Variants in ZAP70 observed in about 807,000 individuals in gnomAD.
The protein encoded by ZAP70 is tyrosine-protein kinase ZAP-70.
In ZAP70, 27 loss-of-function variants were observed where a neutral mutation model predicts 65.8. That is an observed-to-expected ratio of 0.41 (90% CI 0.30 to 0.57). The LOEUF is 0.57. ZAP70 is among the 20% of genes least tolerant of loss of function. The probability of loss-of-function intolerance (pLI) is 0.28; values close to 1 mark genes in which losing one functional copy is unlikely to be tolerated. For synonymous variants in ZAP70, 363 were observed against 360.8 expected (o/e 1.01, Z -0.07); for missense variants, 696 against 870.5 (o/e 0.80, Z 2.52).
intron 2 of ZAP70, among the ~76,000 whole-genome samples, chr2:97,722,352 A>G (rs1240084895): frequency 6.6e-6 from 1 of 152,204 alleles, no homozygotes; most frequent in Non-Finnish European, 1.5e-5. Flanking sequence ...AAAGTGCTGG[A>G]TGACAGGCAT....
Position 97,735,327 on chromosome 2 carries a change from C to T in ZAP70, c.1160C>T (p.Ala387Val), listed in dbSNP as rs1000673530. 6.2e-7 allele frequency: 1 copy of T among 1,614,150 alleles called. No homozygotes were observed. The highest frequency in any genetic ancestry group is 8.5e-7 in the Non-Finnish European group (1 of 1,179,986). The part of the protein sequence containing the change: ...KADTEEMMRE[A>V]QIMHQLDNPY... ...GACACGGAAGAGATGATGCGCGAGG[C>T]GCAGATCATGCACCAGCTGGACAAC... Residue 387 changes from alanine to valine, a missense_variant, in exon 10 of 14, where the codon GCG becomes GTG. Around this residue, in one of 3 missense-constraint regions of ZAP70, gnomAD observed 551 missense variants for 630.0 expected, o/e 0.87. Coordinates refer to ENST00000264972, the MANE Select transcript of ZAP70 (RefSeq NM_001079.4).
downstream of ZAP70, among the ~76,000 whole-genome samples, chr2:97,742,795 T>C (rs1010815720): frequency 3.9e-5 from 6 of 152,308 alleles, no homozygotes; most frequent in East Asian, 1.2e-3. Context: ...ATTTTACAGT[T>C]GAGGAAACCA....
chr2:97,733,964 G>A (rs138021225), intron 8 of ZAP70: 32 of 376,824 alleles, frequency 8.5e-5, no homozygotes, highest in Middle Eastern at 8.1e-4. Flanking sequence ...AGATGAGAGA[G>A]GGAGGGGTCT....
Position 97,724,412 on chromosome 2 carries a change from T to C in ZAP70, c.376T>C (p.Tyr126His). ...CCTGCGAGACGCCATGGTGCGTGAC[T>C]ACGTGCGCCAGACGTGGAAGCTGGA... ...DCLRDAMVRD[Y>H]VRQTWKLEGE... The change falls in exon 3 of 14, where the codon TAC (tyrosine) becomes CAC (histidine). Residue 126 changes from tyrosine (Y) to histidine (H), a missense_variant. Tyr to His is a moderately conservative substitution (Grantham distance 83, BLOSUM62 2). This residue lies in a region of ZAP70 where 551 missense variants were observed against 630.0 expected (regional missense o/e 0.87). Transcript: ENST00000264972. 1 of 1,538,672 alleles carries C rather than the reference T, an allele frequency of 6.5e-7. No individual in the cohort carries two copies. Among genetic ancestry groups the C allele is most frequent in the Non-Finnish European group, 8.7e-7 (1 of 1,143,594 alleles).
rs1346847505 is a variant in ZAP70, at chr2:97,731,406, C to G, written c.564-1477C>G. 1.3e-5 allele frequency among the ~76,000 whole-genome samples: 2 copies of G among 152,082 alleles called. No individual in the cohort carries two copies. Among genetic ancestry groups the G allele is most frequent in the Non-Finnish European group, 2.9e-5 (2 of 68,012 alleles). Reference sequence around the variant, plus strand: ...CGTGACGGCGCTGCATCTGCTGTCCCAGCCTACTGTCTCTGTGGGATGTTT... The same window carrying G: ...CGTGACGGCGCTGCATCTGCTGTCCGAGCCTACTGTCTCTGTGGGATGTTT... On this transcript the variant is annotated intron_variant, in intron 4 of 13. Coordinates refer to ENST00000264972, the MANE Select transcript of ZAP70 (RefSeq NM_001079.4). This position sits in a 1 kb window ranked among gnomAD's most constrained non-coding sequence, Gnocchi z 4.0.
Position 97,736,635 on chromosome 2 carries a change from T to C in ZAP70, c.1290-838T>C, listed in dbSNP as rs1024352178. Among the ~76,000 whole-genome samples, 1 of 152,042 alleles carries C rather than the reference T, an allele frequency of 6.6e-6. No individual in the cohort carries two copies. The highest frequency in any genetic ancestry group is 2.4e-5 in the African/African-American group (1 of 41,384). ...CCGCAGCTCCAGGGGGTTGGGAGTG[T>C]TGGGGTGCGAGGTGCAGTGAGCAGG... is the stretch of plus-strand genomic sequence containing the variant. On this transcript the variant is annotated intron_variant, in intron 10 of 13. Coordinates refer to ENST00000264972, the MANE Select transcript of ZAP70 (RefSeq NM_001079.4). This position sits in a 1 kb window ranked among gnomAD's most constrained non-coding sequence, Gnocchi z 4.0.
At position 97,736,304 on chromosome 2, in the gene ZAP70, C is replaced by T. The variant is rs762018020; in HGVS notation, c.1289+848C>T. On this transcript the variant is annotated intron_variant, in intron 10 of 13. Transcript: ENST00000264972. The surrounding 1 kb of genome is among the most constrained non-coding windows in gnomAD (Gnocchi z 4.0). Reference sequence around the variant, plus strand: ...TGCAGTTTCATTTGTGGTTCCTCATCCCCAAACTCTTACCCTCACAGACAC... The same window carrying T: ...TGCAGTTTCATTTGTGGTTCCTCATTCCCAAACTCTTACCCTCACAGACAC... 6.6e-6 allele frequency among the ~76,000 whole-genome samples: 1 copy of T among 152,174 alleles called. No homozygotes were observed. Among genetic ancestry groups the T allele is most frequent in the Non-Finnish European group, 1.5e-5 (1 of 68,038 alleles).
At chr2:97,718,278 AC>A (rs1677023034) in intron 2 of ZAP70, among the ~76,000 whole-genome samples, 1 of 152,024 alleles carries the variant, frequency 6.6e-6, no homozygotes, top group African/African-American at 2.4e-5. Context: ...GTCTGGGGTC[AC>A]CCCGGGGAGC....
chr2:97,714,876 G>A (rs1324048939), intron 2 of ZAP70, among the ~76,000 whole-genome samples: 1 of 152,110 alleles, frequency 6.6e-6, no homozygotes, highest in Admixed American at 6.5e-5. Context: ...GTGTTGCGGG[G>A]GTGGTGTTGA....
chr2:97,715,241 C>G lies in ZAP70; in HGVS notation c.-22+1247C>G, dbSNP rs552317055. 6.6e-6 allele frequency among the ~76,000 whole-genome samples: 1 copy of G among 152,182 alleles called. No individual in the cohort carries two copies. Among genetic ancestry groups the G allele is most frequent in the African/African-American group, 2.4e-5 (1 of 41,438 alleles). Reference sequence around the variant, plus strand: ...CATCAGAGCCAATTTTACCTCCTCCCGTCTCCCTGGGACAGTTGATAGTGC... The same window carrying G: ...CATCAGAGCCAATTTTACCTCCTCCGGTCTCCCTGGGACAGTTGATAGTGC... On this transcript the variant is annotated intron_variant, in intron 2 of 13. Coordinates refer to ENST00000264972, the MANE Select transcript of ZAP70 (RefSeq NM_001079.4). The surrounding 1 kb of genome is among the most constrained non-coding windows in gnomAD (Gnocchi z 4.1).
At position 97,731,111 on chromosome 2, in the gene ZAP70, G is replaced by T. The variant is rs1452597136; in HGVS notation, c.564-1772G>T. ...AGGGGAGATGGGAGGTTTGCTGTTT[G>T]CTGGTGAGTGGCTTGGCATGGAGTC... On this transcript the variant is annotated intron_variant, in intron 4 of 13. Transcript: ENST00000264972. This position sits in a 1 kb window ranked among gnomAD's most constrained non-coding sequence, Gnocchi z 4.0. Among the ~76,000 whole-genome samples, 3 of 150,736 alleles carry T rather than the reference G, an allele frequency of 2.0e-5. No homozygotes were observed. Among genetic ancestry groups the T allele is most frequent in the African/African-American group, 7.3e-5 (3 of 40,936 alleles).
downstream of ZAP70, among the ~76,000 whole-genome samples, chr2:97,742,580 A>G (rs1377744645): frequency 6.6e-6 from 1 of 152,146 alleles, no homozygotes; most frequent in Non-Finnish European, 1.5e-5. Context: ...CAGGGTTTCA[A>G]ATTTCTCTCT....
chr2:97,742,379 G>A (rs886900162), downstream of ZAP70, among the ~76,000 whole-genome samples: 1 of 152,222 alleles, frequency 6.6e-6, no homozygotes, highest in Non-Finnish European at 1.5e-5. Flanking sequence ...TCAGATGTGC[G>A]CCAGCTTGAC....
intron 2 of ZAP70, among the ~76,000 whole-genome samples, chr2:97,723,371 G>A (rs1179357096): frequency 5.9e-5 from 9 of 152,258 alleles, no homozygotes; most frequent in Admixed American, 2.0e-4. Flanking sequence ...GCAAAGCTGG[G>A]TGCGGCCTCA....
chr2:97,735,798 G>A (rs1348863872), intron 10 of ZAP70, among the ~76,000 whole-genome samples: 4 of 152,310 alleles, frequency 2.6e-5, no homozygotes, highest in South Asian at 4.1e-4. Flanking sequence ...TGGATCATGA[G>A]GTCAAGAGAT....
At chr2:97,733,430 G>A in intron 7 of ZAP70, 87 bp downstream of exon 7, 2 of 1,599,712 alleles carry the variant, frequency 1.3e-6, no homozygotes, top group East Asian at 2.3e-5. Flanking sequence ...TGGGGTGCCT[G>A]TGGAGCGGAA....
chr2:97,723,201 C>T (rs57831860), intron 2 of ZAP70, among the ~76,000 whole-genome samples: 26,733 of 152,230 alleles, frequency 0.18, 3,451 homozygotes, highest in African/African-American at 0.37. Context: ...AACCCTAATG[C>T]ATTTAACCAG....
rs893794668 is a variant in ZAP70 at position 97,731,576 on chromosome 2, G to A, written c.564-1307G>A. On this transcript the variant is annotated intron_variant, in intron 4 of 13. Coordinates refer to ENST00000264972, the MANE Select transcript of ZAP70 (RefSeq NM_001079.4). This position sits in a 1 kb window ranked among gnomAD's most constrained non-coding sequence, Gnocchi z 4.0. ...CCCACCCTTCACTGCACTGTACTTCGGGGAACGTGCTGTCCAGGAATGGAG... is the reference window on the plus strand; with the variant it reads ...CCCACCCTTCACTGCACTGTACTTCAGGGAACGTGCTGTCCAGGAATGGAG... Among the ~76,000 whole-genome samples the A allele has an allele frequency of 6.6e-6, 1 of 152,228 alleles. No homozygotes were observed. The highest frequency in any genetic ancestry group is 2.1e-4 in the South Asian group (1 of 4,822).
chr2:97,724,546 TC>T (rs919324397), intron 3 of ZAP70, 108 bp downstream of exon 3: 5 of 1,531,350 alleles, frequency 3.3e-6, no homozygotes, highest in Non-Finnish European at 4.4e-6. Flanking sequence ...CCCCATTCAG[TC>T]CCCTTTGGAA....
Sources: gnomAD v4.1 joint callset for allele counts (sites outside exome capture counted in the v4.1 genomes callset) on GRCh38, gnomAD v4.1.1 for gene constraint, gnomAD v4.1.1 regional missense constraint, Gnocchi (gnomAD v3.1) non-coding constraint, MANE v1.5 for transcripts, NCBI Gene and HGNC (gene_info 2026-07-23, HGNC 2026-07-21) for gene names.